SPAG9: variants seen among roughly 807,000 people sequenced by gnomAD.
The protein encoded by SPAG9 is C-Jun-amino-terminal kinase-interacting protein 4.
Under a neutral mutation model 166.5 loss-of-function variants are expected in SPAG9, and 35 were observed. That is an observed-to-expected ratio of 0.21 (90% CI 0.16 to 0.28). The LOEUF (loss-of-function observed/expected upper bound fraction) is 0.28, where lower values mean the gene tolerates loss of function less well. Among genes scored for constraint, SPAG9 ranks in the 10% least tolerant of loss-of-function variants. The pLI, the probability that SPAG9 is intolerant of heterozygous loss-of-function variation, is 1.00. For synonymous variants in SPAG9, 534 were observed against 565.5 expected, an observed-to-expected ratio of 0.94 and a Z score of 0.79; for missense variants, 1,235 against 1,603.3, an observed-to-expected ratio of 0.77 and a Z score of 3.92.
At position 51,010,829 on chromosome 17, in the gene SPAG9, C is replaced by T. The variant is rs576626745; in HGVS notation, c.1213+3403G>A. Among the ~76,000 whole-genome samples, 227 of 151,948 alleles carry T rather than the reference C, an allele frequency of 1.5e-3. 1 individual carries two copies. Among genetic ancestry groups the T allele is most frequent in the Middle Eastern group, 3.4e-3 (1 of 294 alleles). On this transcript the variant is annotated intron_variant, in intron 9 of 29. Transcript: ENST00000262013. ...AGTCATTTTAGGGGTGTCTAGCATG[C>T]AATTAGGAAATAATAGTCTTGGGCT...
At chr17:51,118,180 A>T (rs1278420159) in intron 1 of SPAG9, among the ~76,000 whole-genome samples, 1 of 151,744 alleles carries the variant, frequency 6.6e-6, no homozygotes, top group African/African-American at 2.4e-5. Flanking sequence ...AGGTGTGTTT[A>T]TGTTTGTGGC....
chr17:51,075,015 A>C (rs1318038037), intron 2 of SPAG9, among the ~76,000 whole-genome samples: 2 of 151,744 alleles, frequency 1.3e-5, no homozygotes, highest in African/African-American at 4.8e-5. Flanking sequence ...TGGCCAACAT[A>C]GTGAAACCCC....
chr17:51,078,614 T>G (rs2048080017), intron 2 of SPAG9, among the ~76,000 whole-genome samples: 1 of 146,544 alleles, frequency 6.8e-6, no homozygotes, highest in Non-Finnish European at 1.5e-5. Flanking sequence ...GTTTCTCACC[T>G]TTTTTTTTTT....
chr17:51,047,332 TTA>T, intron 4 of SPAG9, 41 bp downstream of exon 4: 1 of 1,043,780 alleles, frequency 9.6e-7, no homozygotes, highest in East Asian at 2.5e-5. Flanking sequence ...AACATATTAT[TTA>T]TTTTACTTTT....
At chr17:51,076,520 G>A (rs2047974367) in intron 2 of SPAG9, among the ~76,000 whole-genome samples, 1 of 152,128 alleles carries the variant, frequency 6.6e-6, no homozygotes, top group Non-Finnish European at 1.5e-5. Flanking sequence ...CGGATCACCT[G>A]AGGTTGGGAG....
intron 2 of SPAG9, among the ~76,000 whole-genome samples, chr17:51,060,892 G>A (rs939720589): frequency 6.7e-6 from 1 of 150,122 alleles, no homozygotes; most frequent in Non-Finnish European, 1.5e-5. Context: ...CTGTCCCCAG[G>A]CTGGAGTGCA....
In SPAG9 at chr17:51,076,735, T is replaced by TA. The variant is rs137873530; in HGVS notation, c.424+2848dup. Among the ~76,000 whole-genome samples, 140 of 145,302 alleles carry TA rather than the reference T, an allele frequency of 9.6e-4. 1 individual carries two copies. In the South Asian group the frequency reaches 0.01, roughly 11 times the overall value. On this transcript the variant is annotated intron_variant, in intron 2 of 29. Transcript: ENST00000262013. ...TGGGCGATAGAACAAGACTCCGTCTTAAAAAAAAAAAAGACAGAAAGAAAA... is the reference window on the plus strand; with the variant it reads ...TGGGCGATAGAACAAGACTCCGTCTTAAAAAAAAAAAAAGACAGAAAGAAAA...
chr17:51,065,415 G>A (rs35221053), intron 2 of SPAG9, among the ~76,000 whole-genome samples: 46,366 of 151,928 alleles, frequency 0.31, 7,145 homozygotes, highest in Admixed American at 0.36. Flanking sequence ...TTAATAACCT[G>A]TTTTTTAAAG....
At chr17:51,112,599 T>C (rs1208471941) in intron 1 of SPAG9, among the ~76,000 whole-genome samples, 7 of 129,364 alleles carry the variant, frequency 5.4e-5, no homozygotes, top group Admixed American at 4.0e-4. Flanking sequence ...TGAACCCAGG[T>C]GGTGGAGGTT....
intron 25 of SPAG9, among the ~76,000 whole-genome samples, chr17:50,982,223 A>C (rs1041267834): frequency 3.9e-5 from 6 of 152,128 alleles, no homozygotes; most frequent in African/African-American, 1.4e-4. Context: ...TAAACATAAA[A>C]AGAACCATGT....
chr17:51,105,326 C>A (rs1396896966), intron 1 of SPAG9, among the ~76,000 whole-genome samples: 1 of 152,020 alleles, frequency 6.6e-6, no homozygotes, highest in Non-Finnish European at 1.5e-5. Flanking sequence ...TGTAATGTTT[C>A]TCAAAGGAAG....
At chr17:51,079,466 TGAACCC>T (rs2048104727) in intron 2 of SPAG9, 112 bp downstream of exon 2, 1 of 893,446 alleles carries the variant, frequency 1.1e-6, no homozygotes, top group African/African-American at 1.7e-5. Flanking sequence ...CTTGAACTCC[TGAACCC>T]AAGTGATCCT....
chr17:50,971,234 G>C (rs1973773370), intron 28 of SPAG9, among the ~76,000 whole-genome samples: 3 of 151,972 alleles, frequency 2.0e-5, no homozygotes, highest in African/African-American at 7.2e-5. Context: ...TTGAGCCCAG[G>C]AGTTCAGTGT....
intron 2 of SPAG9, among the ~76,000 whole-genome samples, chr17:51,066,567 G>GACAAAAA (rs2047674348): frequency 3.6e-5 from 4 of 110,838 alleles, no homozygotes. Context: ...AAAAAAAAAA[G>GACAAAAA]AAAAAAAAAA....
intron 2 of SPAG9, among the ~76,000 whole-genome samples, chr17:51,068,391 A>G (rs1442192397): frequency 1.3e-5 from 2 of 152,212 alleles, no homozygotes; most frequent in Non-Finnish European, 2.9e-5. Flanking sequence ...ATCATGAATC[A>G]ATGATCATAT....
At chr17:51,091,144 G>A (rs1431393971) in intron 1 of SPAG9, among the ~76,000 whole-genome samples, 1 of 151,506 alleles carries the variant, frequency 6.6e-6, no homozygotes, top group Non-Finnish European at 1.5e-5. Context: ...GTAGTGGTGT[G>A]CATCTGTAGT....
chr17:51,092,708 GT>G (rs1394413433), intron 1 of SPAG9, among the ~76,000 whole-genome samples: 2 of 143,810 alleles, frequency 1.4e-5, no homozygotes, highest in Non-Finnish European at 3.0e-5. Context: ...GAGGCCGAGA[GT>G]TTGAGAACAG....
chr17:51,092,830 CAGG>C (rs2048506411), intron 1 of SPAG9, among the ~76,000 whole-genome samples: 1 of 151,536 alleles, frequency 6.6e-6, no homozygotes, highest in South Asian at 2.1e-4. Context: ...TCTAGCTACT[CAGG>C]AAGCTAAACT....
At chr17:51,053,848 AAAAAAAGTATATATAT>A (rs1568044543) in intron 3 of SPAG9, among the ~76,000 whole-genome samples, 2 of 64,256 alleles carry the variant, frequency 3.1e-5, no homozygotes, top group African/African-American at 1.5e-4. Context: ...AAAAAAAAAA[AAAAAAAGTATATATAT>A]ATATATATAT....
Sources: allele counts gnomAD v4.1 joint callset (sites outside exome capture counted in the v4.1 genomes callset), GRCh38; gene constraint gnomAD v4.1.1; transcripts MANE v1.5; gene names NCBI Gene and HGNC (gene_info 2026-07-23, HGNC 2026-07-21).